AUTS2: variants seen among roughly 807,000 people sequenced by gnomAD.
AUTS2 encodes the protein activator of transcription and developmental regulator AUTS2, also known as autism susceptibility gene 2 protein.
Under a neutral mutation model 112.4 loss-of-function variants are expected in AUTS2, and 17 were observed. The ratio of observed to expected loss-of-function variants is 0.15; its 90% confidence interval spans 0.10 to 0.23. The LOEUF (loss-of-function observed/expected upper bound fraction) is 0.23, where lower values mean the gene tolerates loss of function less well. Among genes scored for constraint, AUTS2 ranks in the 10% least tolerant of loss-of-function variants. The probability of loss-of-function intolerance (pLI) is 1.00; values close to 1 mark genes in which losing one functional copy is unlikely to be tolerated. For missense variants in AUTS2, 1,510 were observed against 1,701.6 expected (o/e 0.89, Z 1.98); for synonymous variants, 751 against 702.7 (o/e 1.07, Z -1.09).
intron 3 of AUTS2, among the ~76,000 whole-genome samples, chr7:70,130,554 A>G (rs1403962335): frequency 6.6e-6 from 1 of 152,140 alleles, no homozygotes; most frequent in Non-Finnish European, 1.5e-5. Context: ...TGTGCATCCC[A>G]TTATGTTCCT....
At position 69,717,036 on chromosome 7, in the gene AUTS2, T is replaced by C. The variant is rs551560564; in HGVS notation, c.309+117074T>C. On this transcript the variant is annotated intron_variant, in intron 1 of 18. Transcript: ENST00000342771. ...TTTAAACCCTGTCCTTTTGGGTTTTTATGGAAAATTTATTACATAGGCAGG... is the reference window on the plus strand; with the variant it reads ...TTTAAACCCTGTCCTTTTGGGTTTTCATGGAAAATTTATTACATAGGCAGG... Among the ~76,000 whole-genome samples the C allele has an allele frequency of 6.6e-5, 10 of 152,274 alleles. No homozygotes were observed. In the South Asian group the frequency reaches 2.1e-3, roughly 32 times the overall value.
At chr7:70,147,086 G>A (rs1037392345) in intron 4 of AUTS2, among the ~76,000 whole-genome samples, 2 of 152,082 alleles carry the variant, frequency 1.3e-5, no homozygotes, top group African/African-American at 4.8e-5. Context: ...GCCAGGCACA[G>A]TGGTGCATGC....
intron 6 of AUTS2, among the ~76,000 whole-genome samples, chr7:70,759,089 A>G (rs1585638783): frequency 6.6e-6 from 1 of 152,334 alleles, no homozygotes; most frequent in African/African-American, 2.4e-5. Flanking sequence ...TTGTAGCTTT[A>G]CTAACCCTCT....
chr7:70,311,111 C>G (rs568110903), intron 4 of AUTS2, among the ~76,000 whole-genome samples: 43 of 152,302 alleles, frequency 2.8e-4, no homozygotes, highest in African/African-American at 1.0e-3. Context: ...AATCTACCAG[C>G]TTTCCTAAAA....
rs138878188 is a variant in AUTS2 at position 69,829,711 on chromosome 7, G to A, written c.310-69575G>A. Among the ~76,000 whole-genome samples the A allele has an allele frequency of 1.6e-3, 241 of 152,224 alleles. 4 individuals carry two copies. In the East Asian group the frequency reaches 0.035, roughly 22 times the overall value. ...TGTCATCTCATGCCAAGTCAGAATGGCCATTATTAAAAAGTCAAGAAACAA... is the reference window on the plus strand; with the variant it reads ...TGTCATCTCATGCCAAGTCAGAATGACCATTATTAAAAAGTCAAGAAACAA... On this transcript the variant is annotated intron_variant, in intron 1 of 18. Coordinates refer to ENST00000342771, the MANE Select transcript of AUTS2 (RefSeq NM_015570.4).
chr7:70,775,279 G>T (rs1790613062), intron 12 of AUTS2, 78 bp from the exon 13 acceptor site: 1 of 1,175,930 alleles, frequency 8.5e-7, no homozygotes, highest in African/African-American at 1.5e-5. Context: ...CCCTCCTAAT[G>T]AAGCACTACA....
At chr7:69,773,940 C>G (rs1284898512) in intron 1 of AUTS2, among the ~76,000 whole-genome samples, 1 of 152,220 alleles carries the variant, frequency 6.6e-6, no homozygotes, top group Non-Finnish European at 1.5e-5. Flanking sequence ...GCCTCATATT[C>G]AGTGGAAAGT....
At chr7:69,979,850 C>T (rs1468298651) in intron 2 of AUTS2, among the ~76,000 whole-genome samples, 1 of 152,158 alleles carries the variant, frequency 6.6e-6, no homozygotes, top group Non-Finnish European at 1.5e-5. Context: ...ACATATTCGC[C>T]TTGTTTTTTA....
chr7:70,225,274 T>C (rs1811703383), intron 4 of AUTS2, among the ~76,000 whole-genome samples: 1 of 152,194 alleles, frequency 6.6e-6, no homozygotes, highest in Admixed American at 6.5e-5. Flanking sequence ...CTTGTCTCCC[T>C]TCCTCATTTT....
intron 5 of AUTS2, among the ~76,000 whole-genome samples, chr7:70,540,497 G>C (rs141576208): frequency 6.6e-6 from 1 of 152,176 alleles, no homozygotes; most frequent in Non-Finnish European, 1.5e-5. Flanking sequence ...GCACACAGTC[G>C]TCTCTGGGTT....
At chr7:70,734,595 A>G (rs1585595169) in intron 6 of AUTS2, among the ~76,000 whole-genome samples, 1 of 152,040 alleles carries the variant, frequency 6.6e-6, no homozygotes, top group African/African-American at 2.4e-5. Flanking sequence ...AGGGTGAGGT[A>G]TGTATGGTAG....
chr7:70,569,831 C>A (rs899446272), intron 5 of AUTS2, among the ~76,000 whole-genome samples: 3 of 152,182 alleles, frequency 2.0e-5, no homozygotes, highest in Non-Finnish European at 4.4e-5. Context: ...AAAACGTAAA[C>A]CCCTGCACTA....
chr7:69,602,149 G>T, intron 1 of AUTS2, among the ~76,000 whole-genome samples: 1 of 150,870 alleles, frequency 6.6e-6, no homozygotes, highest in East Asian at 2.0e-4. Flanking sequence ...ATAGGTATTT[G>T]ACTGGGCTTG....
chr7:70,043,616 T>A (rs932276027), intron 2 of AUTS2, among the ~76,000 whole-genome samples: 54 of 146,444 alleles, frequency 3.7e-4, no homozygotes, highest in South Asian at 2.2e-4. Context: ...TTTTTTTTTT[T>A]TTTTTATTTT....
chr7:69,904,201 C>T (rs1489498414), intron 2 of AUTS2, among the ~76,000 whole-genome samples: 1 of 152,216 alleles, frequency 6.6e-6, no homozygotes, highest in Non-Finnish European at 1.5e-5. Flanking sequence ...AACAGTCTAT[C>T]CCAGCCCATG....
At chr7:70,101,343 A>C (rs1485439649) in intron 2 of AUTS2, among the ~76,000 whole-genome samples, 1 of 151,824 alleles carries the variant, frequency 6.6e-6, no homozygotes, top group Non-Finnish European at 1.5e-5. Context: ...ATTGAATGCT[A>C]TCTGGCTTAT....
intron 5 of AUTS2, among the ~76,000 whole-genome samples, chr7:70,622,055 C>T (rs570171680): frequency 6.6e-6 from 1 of 151,862 alleles, no homozygotes; most frequent in South Asian, 2.1e-4. Flanking sequence ...GCACGGTGCT[C>T]TCAAACTCCT....
At chr7:69,776,783 A>G (rs1788916704) in intron 1 of AUTS2, among the ~76,000 whole-genome samples, 1 of 152,182 alleles carries the variant, frequency 6.6e-6, no homozygotes, top group Admixed American at 6.5e-5. Flanking sequence ...TGTGGTACAG[A>G]AGATGTGGGT....
chr7:70,637,652 T>C (rs891243698), intron 5 of AUTS2, among the ~76,000 whole-genome samples: 1 of 152,210 alleles, frequency 6.6e-6, no homozygotes, highest in African/African-American at 2.4e-5. Flanking sequence ...TAGGCGTTGT[T>C]CTTCCCACAT....
Sources: gnomAD v4.1 joint callset for allele counts (sites outside exome capture counted in the v4.1 genomes callset) on GRCh38, gnomAD v4.1.1 for gene constraint, MANE v1.5 for transcripts, NCBI Gene and HGNC (gene_info 2026-07-23, HGNC 2026-07-21) for gene names.